The following KCTD8 variants were observed in gnomAD, a reference collection of about 807,000 sequenced individuals.
The protein encoded by KCTD8 is potassium channel tetramerization domain containing 8, also known as BTB/POZ domain-containing protein KCTD8.
A neutral mutation model predicts 31.5 loss-of-function variants in KCTD8; 27 were observed. That is an observed-to-expected ratio of 0.86 (90% CI 0.63 to 1.18). The LOEUF (loss-of-function observed/expected upper bound fraction) is 1.18. KCTD8 is among the 50% of genes most tolerant of loss of function. KCTD8 has a pLI of 0.00. For synonymous variants in KCTD8, 290 were observed against 280.0 expected, an observed-to-expected ratio of 1.04 and a Z score of -0.36; for missense variants, 658 against 647.7, an observed-to-expected ratio of 1.02 and a Z score of -0.17.
Position 44,408,792 on chromosome 4 carries a change from A to G in KCTD8, c.961+38771T>C, listed in dbSNP as rs1271982610. ...TGCCACCACGCCCAGCTAATTTTTT[A>G]TATTTTAGTAGAGACGGGTTTTCAC... On this transcript the variant is annotated intron_variant, in intron 1 of 1. Transcript: ENST00000360029. Among the ~76,000 whole-genome samples, 22 of 151,872 alleles carry G rather than the reference A, an allele frequency of 1.4e-4. 1 individual carries two copies. Among genetic ancestry groups the G allele is most frequent in the Admixed American group, 1.4e-3 (22 of 15,250 alleles).
At chr4:44,345,786 T>C (rs1719021405) in intron 1 of KCTD8, among the ~76,000 whole-genome samples, 1 of 152,142 alleles carries the variant, frequency 6.6e-6, no homozygotes, top group African/African-American at 2.4e-5. Context: ...AGACTCCATA[T>C]TTTTGAGTAC....
intron 1 of KCTD8, among the ~76,000 whole-genome samples, chr4:44,388,653 T>C (rs1192893173): frequency 6.6e-6 from 1 of 151,714 alleles, no homozygotes; most frequent in Non-Finnish European, 1.5e-5. Context: ...AGCTAAATGA[T>C]GAAAACACAT....
rs186872955 is a variant in KCTD8 at position 44,288,246 on chromosome 4, G to A, written c.962-112996C>T. On this transcript the variant is annotated intron_variant, in intron 1 of 1. Coordinates refer to ENST00000360029, the MANE Select transcript of KCTD8 (RefSeq NM_198353.3). ...ATGGCTGTAGAGTTCTAATGTGAAG[G>A]TATAAATCAAGAATTGTACACTCAT... Among the ~76,000 whole-genome samples the A allele has an allele frequency of 1.9e-3, 282 of 152,142 alleles. 2 individuals are homozygous for A. Among genetic ancestry groups the A allele is most frequent in the African/African-American group, 6.5e-3 (269 of 41,526 alleles).
intron 1 of KCTD8, among the ~76,000 whole-genome samples, chr4:44,447,167 C>A (rs1721963002): frequency 6.6e-6 from 1 of 152,240 alleles, no homozygotes; most frequent in Non-Finnish European, 1.5e-5. Flanking sequence ...GAAATGACCC[C>A]CAGCAGTCCT....
At position 44,216,295 on chromosome 4, in the gene KCTD8, G is replaced by A. The variant is rs926786487; in HGVS notation, c.962-41045C>T. ...TTTCCACCTTTTACCACTTTATACA[G>A]TAAGTAGATATATTAAATCGTATTG... On this transcript the variant is annotated intron_variant, in intron 1 of 1. Coordinates refer to ENST00000360029, the MANE Select transcript of KCTD8 (RefSeq NM_198353.3). 1.6e-4 allele frequency among the ~76,000 whole-genome samples: 25 copies of A among 152,092 alleles called. 1 individual carries two copies. Among genetic ancestry groups the A allele is most frequent in the African/African-American group, 5.3e-4 (22 of 41,432 alleles).
intron 1 of KCTD8, among the ~76,000 whole-genome samples, chr4:44,296,683 T>G (rs1233181572): frequency 6.6e-6 from 1 of 152,140 alleles, no homozygotes; most frequent in Admixed American, 6.5e-5. Context: ...TGGTATCATG[T>G]GGGCTTCACT....
At chr4:44,375,660 A>T (rs527343596) in intron 1 of KCTD8, among the ~76,000 whole-genome samples, 23 of 152,238 alleles carry the variant, frequency 1.5e-4, no homozygotes, top group African/African-American at 5.3e-4. Flanking sequence ...TGAAAGCCAG[A>T]AGTAAGGGAG....
At chr4:44,394,903 G>A (rs537848837) in intron 1 of KCTD8, among the ~76,000 whole-genome samples, 1 of 152,048 alleles carries the variant, frequency 6.6e-6, no homozygotes, top group Non-Finnish European at 1.5e-5. Context: ...CCAGTGACTC[G>A]ACAATAGAGG....
chr4:44,294,752 G>A (rs1297986260), intron 1 of KCTD8, among the ~76,000 whole-genome samples: 5 of 152,060 alleles, frequency 3.3e-5, no homozygotes, highest in African/African-American at 1.2e-4. Flanking sequence ...TTCAACTGTT[G>A]GACTTGCTTT....
At position 44,448,161 on chromosome 4, in the gene KCTD8, C is replaced by A; in HGVS notation, c.363G>T (p.Pro121=). The part of the protein sequence containing the change: ...DYLRDKQLAL[P]EHFPEKERLL... ...GCCGCTCCTTCTCGGGGAAGTGCTC[C>A]GGCAGCGCGAGTTGCTTGTCCCGCA... is the stretch of plus-strand genomic sequence containing the variant. Residue 121 remains proline (P), a synonymous_variant, in exon 1 of 2, where the codon CCG becomes CCT. Transcript: ENST00000360029. The surrounding 1 kb of genome is among the most constrained non-coding windows in gnomAD (Gnocchi z 4.1). The A allele has an allele frequency of 6.2e-7, 1 of 1,612,502 alleles. No individual in the cohort carries two copies. The highest frequency in any genetic ancestry group is 8.5e-7 in the Non-Finnish European group (1 of 1,179,754).
chr4:44,335,921 C>G (rs3108896), intron 1 of KCTD8, among the ~76,000 whole-genome samples: 29,791 of 151,362 alleles, frequency 0.2, 3,129 homozygotes, highest in Middle Eastern at 0.29. Context: ...GAGGCCGAGG[C>G]GGGCGGATCA....
intron 1 of KCTD8, among the ~76,000 whole-genome samples, chr4:44,399,674 T>C (rs936919163): frequency 3.9e-5 from 6 of 152,212 alleles, no homozygotes; most frequent in African/African-American, 9.6e-5. Context: ...AAAGTAAAAA[T>C]GGGAGACCAT....
At chr4:44,438,495 T>C (rs1044111006) in intron 1 of KCTD8, among the ~76,000 whole-genome samples, 1 of 152,194 alleles carries the variant, frequency 6.6e-6, no homozygotes, top group Non-Finnish European at 1.5e-5. Flanking sequence ...ACTATAAGTA[T>C]TATTTTTAAT....
intron 1 of KCTD8, among the ~76,000 whole-genome samples, chr4:44,334,450 A>G (rs1441460128): frequency 1.3e-5 from 2 of 152,088 alleles, no homozygotes; most frequent in African/African-American, 2.4e-5. Flanking sequence ...TCATCCAGTC[A>G]TACTAGTTCT....
At chr4:44,245,159 A>C (rs1476466844) in intron 1 of KCTD8, among the ~76,000 whole-genome samples, 1 of 152,172 alleles carries the variant, frequency 6.6e-6, no homozygotes, top group African/African-American at 2.4e-5. Flanking sequence ...AAACACATCC[A>C]GAAAGAAGCA....
At chr4:44,437,308 AAGT>A (rs1721682928) in intron 1 of KCTD8, among the ~76,000 whole-genome samples, 1 of 152,246 alleles carries the variant, frequency 6.6e-6, no homozygotes, top group African/African-American at 2.4e-5. Context: ...GTGCAGTCTA[AAGT>A]CAGGCAATGC....
intron 1 of KCTD8, among the ~76,000 whole-genome samples, chr4:44,318,862 G>C (rs1718213788): frequency 2.0e-5 from 3 of 152,130 alleles, no homozygotes; most frequent in Admixed American, 2.0e-4. Flanking sequence ...AAGAAGCCTT[G>C]AGACAGAAAG....
chr4:44,330,492 G>A (rs1400604599), intron 1 of KCTD8, among the ~76,000 whole-genome samples: 1 of 151,836 alleles, frequency 6.6e-6, no homozygotes, highest in Non-Finnish European at 1.5e-5. Context: ...TATCCCAAAT[G>A]TTAGCTATTT....
intron 1 of KCTD8, among the ~76,000 whole-genome samples, chr4:44,409,173 G>A (rs774318498): frequency 3.3e-5 from 5 of 151,428 alleles, no homozygotes; most frequent in East Asian, 2.0e-4. Context: ...TGTGGTGAGC[G>A]TGATTGTGCC....
Sources: allele counts gnomAD v4.1 joint callset (sites outside exome capture counted in the v4.1 genomes callset), GRCh38; gene constraint gnomAD v4.1.1; non-coding constraint Gnocchi (gnomAD v3.1); transcripts MANE v1.5; gene names NCBI Gene and HGNC (gene_info 2026-07-23, HGNC 2026-07-21).